Variants in RHNO1 observed in about 807,000 individuals in gnomAD.
RHNO1 encodes the protein RAD9-HUS1-RAD1 interacting nuclear orphan 1, also known as RAD9, HUS1, RAD1-interacting nuclear orphan protein 1.
Under a neutral mutation model 7.2 loss-of-function variants are expected in RHNO1, and 9 were observed. The ratio of observed to expected loss-of-function variants is 1.25; its 90% confidence interval spans 0.75 to 2.18. The LOEUF is 2.18. Ranked by LOEUF, RHNO1 falls within the 30% of genes most tolerant of loss-of-function variation. The pLI is 0.00. For missense variants in RHNO1, 292 were observed against 284.5 expected (o/e 1.03, Z -0.19); for synonymous variants, 95 against 107.5 (o/e 0.88, Z 0.72).
rs143905814 is a variant in RHNO1 at position 2,880,777 on chromosome 12, G to A, written c.-85+3495G>A. Among the ~76,000 whole-genome samples, 391 of 152,076 alleles carry A rather than the reference G, an allele frequency of 2.6e-3. 7 individuals carry two copies. Among genetic ancestry groups the A allele is most frequent in the East Asian group, 0.01 (53 of 5,172 alleles). On this transcript the variant is annotated intron_variant, in intron 1 of 2. Transcript: ENST00000489288. ...GCCTCCCAAGTAGCTGGGACTACAG[G>A]TACATGCCAACATGCCAAGCTAATT...
intron 1 of RHNO1, among the ~76,000 whole-genome samples, chr12:2,881,103 TTTTG>T (rs1342509125): frequency 4.0e-5 from 6 of 151,868 alleles, no homozygotes; most frequent in Admixed American, 2.0e-4. Flanking sequence ...TGTGGTAGCT[TTTTG>T]TTTGTTTGTT....
intron 2 of RHNO1, 119 bp from the exon 3 acceptor site, chr12:2,887,787 GTTATT>G (rs939053258): frequency 2.8e-6 from 2 of 726,710 alleles, no homozygotes. Flanking sequence ...CCATTAGACA[GTTATT>G]TTAGTTTTGT....
chr12:2,886,131 C>A (rs927971251), intron 2 of RHNO1: 3 of 152,146 alleles, frequency 2.0e-5, no homozygotes, highest in African/African-American at 7.2e-5. Context: ...TCTTTCTCTT[C>A]CCCTATTTTC....
Position 2,888,840 on chromosome 12 carries a change from A to G in RHNO1, c.*381A>G, listed in dbSNP as rs2098168798. ...TTTTCTAAGATACTTTGTGTCATGA[A>G]CAGTTCAGTTTAGTGTCATGAACTA... On this transcript the variant is annotated 3_prime_UTR_variant, in exon 3 of 3. Transcript: ENST00000489288. The G allele has an allele frequency of 5.8e-6, 1 of 173,002 alleles. No homozygotes were observed. The highest frequency in any genetic ancestry group is 5.7e-5 in the Admixed American group (1 of 17,560). 10.7% of individuals were successfully genotyped at this position (173,002 alleles called of 1,614,324 possible). A position where few individuals can be genotyped will look rare whatever the true frequency, so the allele number is the denominator to read the frequency against.
intron 1 of RHNO1, among the ~76,000 whole-genome samples, chr12:2,877,624 G>T (rs2098149115): frequency 6.6e-6 from 1 of 152,052 alleles, no homozygotes. Context: ...TATTATCTCC[G>T]CTTTCTTCCA....
intron 1 of RHNO1, among the ~76,000 whole-genome samples, chr12:2,884,739 T>G (rs2098163250): frequency 6.6e-6 from 1 of 152,178 alleles, no homozygotes. Flanking sequence ...CTTCTCATAC[T>G]GTGTCCAGAT....
intron 1 of RHNO1, among the ~76,000 whole-genome samples, chr12:2,882,744 T>C (rs1391139495): frequency 6.6e-6 from 1 of 151,148 alleles, no homozygotes; most frequent in Non-Finnish European, 1.5e-5. Flanking sequence ...GGTCAAGGGG[T>C]TGAGTTGACT....
In RHNO1 at chr12:2,888,091, A is replaced by C; in HGVS notation, c.349A>C (p.Ser117Arg). 1.2e-6 allele frequency: 2 copies of C among 1,614,040 alleles called. No homozygotes were observed. Among genetic ancestry groups the C allele is most frequent in the Non-Finnish European group, 1.7e-6 (2 of 1,179,994 alleles). Residue 117 changes from serine to arginine, a missense_variant, in exon 3 of 3, where the codon AGT (serine) becomes CGT (arginine). Coordinates refer to ENST00000489288, the MANE Select transcript of RHNO1 (RefSeq NM_001252499.3). ...LGIPLIRECP[S>R]ESEKDVSRRP... ...GATCCCCTTAATCCGAGAGTGCCCCAGTGAATCAGAAAAGGATGTTTCCAG... is the reference window on the plus strand; with the variant it reads ...GATCCCCTTAATCCGAGAGTGCCCCCGTGAATCAGAAAAGGATGTTTCCAG...
intron 1 of RHNO1, among the ~76,000 whole-genome samples, chr12:2,882,739 A>G (rs1286376478): frequency 6.6e-6 from 1 of 151,972 alleles, no homozygotes; most frequent in Non-Finnish European, 1.5e-5. Flanking sequence ...AAACAGGTCA[A>G]GGGGTTGAGT....
chr12:2,886,529 C>T (rs1268214271), intron 2 of RHNO1, among the ~76,000 whole-genome samples: 1 of 151,876 alleles, frequency 6.6e-6, no homozygotes, highest in Non-Finnish European at 1.5e-5. Flanking sequence ...TGGTGGTGCG[C>T]ACCTGTAGTC....
Position 2,888,577 on chromosome 12 carries a change from G to A in RHNO1, c.*118G>A, listed in dbSNP as rs2098168506. On this transcript the variant is annotated 3_prime_UTR_variant, in exon 3 of 3. Transcript: ENST00000489288. ...TAATATTGCTCTGTTGCCCAGGCTG[G>A]AGTGCAGTGGTATGATCTCACCTTA... 9.2e-6 allele frequency: 8 copies of A among 866,956 alleles called. No homozygotes were observed. The highest frequency in any genetic ancestry group is 1.4e-5 in the Non-Finnish European group (8 of 587,118). The allele number at this position is 866,956 out of a possible 1,614,324, so 53.7% of individuals were successfully genotyped here. A position where few individuals can be genotyped will look rare whatever the true frequency, so the allele number is the denominator to read the frequency against.
intron 1 of RHNO1, among the ~76,000 whole-genome samples, chr12:2,884,122 G>A (rs1157444473): frequency 1.3e-5 from 2 of 151,812 alleles, no homozygotes; most frequent in Non-Finnish European, 2.9e-5. Flanking sequence ...GTGCAGTGGT[G>A]CAATCTCGGC....
intron 1 of RHNO1, among the ~76,000 whole-genome samples, chr12:2,878,728 A>T (rs961484564): frequency 6.6e-6 from 1 of 151,832 alleles, no homozygotes; most frequent in Non-Finnish European, 1.5e-5. Context: ...CAGAGAGAGT[A>T]AAAAAGGGGC....
At chr12:2,878,359 G>A (rs926743295) in intron 1 of RHNO1, among the ~76,000 whole-genome samples, 2 of 150,710 alleles carry the variant, frequency 1.3e-5, no homozygotes, top group African/African-American at 5.0e-5. Flanking sequence ...GGAATCAGGC[G>A]TGCAAAGGCT....
Position 2,888,138 on chromosome 12 carries a change from C to T in RHNO1, c.396C>T (p.Leu132=). 1.2e-6 allele frequency: 2 copies of T among 1,613,984 alleles called. No homozygotes were observed. Among genetic ancestry groups the T allele is most frequent in the Non-Finnish European group, 1.7e-6 (2 of 1,179,920 alleles). Residue 132 remains leucine (L), a synonymous_variant, in exon 3 of 3, where the codon CTC becomes CTT. Transcript: ENST00000489288. The part of the protein sequence containing the change: ...DVSRRPLVPV[L]SPQSCGNMSV... ...CCAGAAGACCCTTAGTTCCAGTGCT[C>T]AGTCCCCAAAGCTGTGGGAACATGT...
chr12:2,880,406 C>G (rs1228893948), intron 1 of RHNO1, among the ~76,000 whole-genome samples: 1 of 151,890 alleles, frequency 6.6e-6, no homozygotes, highest in Admixed American at 6.6e-5. Context: ...CACCTGAGGT[C>G]AGGAGTTCAA....
In RHNO1 at chr12:2,888,314, G is replaced by T. The variant is rs2098168098; in HGVS notation, c.572G>T (p.Ser191Ile). The change falls in exon 3 of 3, where the codon AGC (serine) becomes ATC (isoleucine). Residue 191 changes from serine to isoleucine, a missense_variant. Transcript: ENST00000489288. ...ACTCTTCACACTGGCACTCCTAATA[G>T]CCCAGAGCCTGGACCTGTTCTGGTT... The part of the protein sequence containing the change: ...SCTLHTGTPN[S>I]PEPGPVLVKD... 6.2e-7 allele frequency: 1 copy of T among 1,614,088 alleles called. No homozygotes were observed. The highest frequency in any genetic ancestry group is 8.5e-7 in the Non-Finnish European group (1 of 1,180,030).
rs1004125515 is a variant in RHNO1, at chr12:2,877,293, C to T, written c.-85+11C>T. ...GTCCGGCCCGGGCTGGTAAGGCGGA[C>T]CGCAGGCCGGCTTGTGGGGGAAGAA... is the stretch of plus-strand genomic sequence containing the variant. On this transcript the variant is annotated intron_variant, in intron 1 of 2. Coordinates refer to ENST00000489288, the MANE Select transcript of RHNO1 (RefSeq NM_001252499.3). 2.0e-5 allele frequency: 3 copies of T among 152,178 alleles called. No homozygotes were observed. The highest frequency in any genetic ancestry group is 4.4e-5 in the Non-Finnish European group (3 of 68,042). The allele number at this position is 152,178 out of a possible 1,614,324, so 9.4% of individuals were successfully genotyped here. A position where few individuals can be genotyped will look rare whatever the true frequency, so the allele number is the denominator to read the frequency against.
chr12:2,883,499 ATATATATATATAT>A (rs1311748349), intron 1 of RHNO1, among the ~76,000 whole-genome samples: 7 of 30,978 alleles, frequency 2.3e-4, no homozygotes, highest in Admixed American at 4.0e-4. Context: ...ATATATATAT[ATATATATATATAT>A]TTTTTTTTTT....
Sources: allele counts gnomAD v4.1 joint callset (sites outside exome capture counted in the v4.1 genomes callset), GRCh38; gene constraint gnomAD v4.1.1; transcripts MANE v1.5; gene names NCBI Gene and HGNC (gene_info 2026-07-23, HGNC 2026-07-21).